ATR: variants seen among roughly 807,000 people sequenced by gnomAD.
The protein encoded by ATR is serine/threonine-protein kinase ATR.
A neutral mutation model predicts 305.3 loss-of-function variants in ATR; 142 were observed. That is an observed-to-expected ratio of 0.47 (90% confidence interval 0.41 to 0.53). ATR has a LOEUF of 0.53. ATR is among the 20% of genes least tolerant of loss of function. ATR has a pLI of 0.00. For missense variants in ATR, 2,135 were observed against 3,133.1 expected (o/e 0.68, Z 7.60); for synonymous variants, 1,050 against 1,068.1 (o/e 0.98, Z 0.33).
intron 42 of ATR, among the ~76,000 whole-genome samples, 172 bp from the exon 43 acceptor site, chr3:142,459,555 TAA>T (rs915614925): frequency 1.8e-4 from 28 of 152,316 alleles, no homozygotes; most frequent in African/African-American, 6.0e-4. Flanking sequence ...GATTGTATAA[TAA>T]AATAATAAAC....
chr3:142,527,733 C>T (rs1185697514), intron 21 of ATR, among the ~76,000 whole-genome samples: 1 of 152,064 alleles, frequency 6.6e-6, no homozygotes, highest in African/African-American at 2.4e-5. Context: ...AAAATTAACT[C>T]TTCTAAGGTG....
rs2108493856 is a variant in ATR at position 142,566,126 on chromosome 3, C to T, written c.287G>A (p.Cys96Tyr). Reference sequence around the variant, plus strand: ...GCATGAATAACAGCACTTACCAATACAACTGCCTTTGGCCTCATGGCTTCC... The same window carrying T: ...GCATGAATAACAGCACTTACCAATATAACTGCCTTTGGCCTCATGGCTTCC... ...VSGSHEAKGSCIEFSNWIITR... is the reference protein window; with the variant it reads ...VSGSHEAKGSYIEFSNWIITR... The change falls in exon 3 of 47, where the codon TGT becomes TAT. Residue 96 changes from cysteine (C) to tyrosine (Y), a missense_variant. This residue lies in a region of ATR where 744 missense variants were observed against 873.2 expected (regional missense o/e 0.85). Transcript: ENST00000350721. 1 of 1,614,148 alleles carries T rather than the reference C, an allele frequency of 6.2e-7. No individual in the cohort carries two copies. Among genetic ancestry groups the T allele is most frequent in the Non-Finnish European group, 8.5e-7 (1 of 1,180,016 alleles).
At chr3:142,476,656 TG>T (rs1318157544) in intron 36 of ATR, among the ~76,000 whole-genome samples, 1 of 152,172 alleles carries the variant, frequency 6.6e-6, no homozygotes, top group African/African-American at 2.4e-5. Flanking sequence ...TTGATGGGGA[TG>T]GCATTGAATC....
chr3:142,553,798 C>T (rs765375503), intron 11 of ATR, 27 bp downstream of exon 11: 31 of 1,611,462 alleles, frequency 1.9e-5, no homozygotes, highest in Non-Finnish European at 3.4e-6. Context: ...GACGTAAACT[C>T]AAATGTTAAA....
In ATR at chr3:142,537,242, C is replaced by CT. The variant is rs10717093; in HGVS notation, c.3726-1042dup. Among the ~76,000 whole-genome samples, 7 of 148,798 alleles carry CT rather than the reference C, an allele frequency of 4.7e-5. No homozygotes were observed. The South Asian group carries it at 8.5e-4, about 18-fold the overall frequency. ...TAGCTAGGATTACAGGCTCTTTTTG[C>CT]TTTTTTTTTTTTAAATGTTTCTGTA... On this transcript the variant is annotated intron_variant, in intron 19 of 46. Transcript: ENST00000350721.
intron 2 of ATR, among the ~76,000 whole-genome samples, chr3:142,566,505 C>G (rs1393311891): frequency 6.6e-6 from 1 of 151,838 alleles, no homozygotes; most frequent in East Asian, 1.9e-4. Context: ...TGCCTATAGT[C>G]CCAGCTACTC....
rs748735097 is a variant in ATR, at chr3:142,536,199, T to A, written c.3728A>T (p.Asp1243Val). ...TTCATGAAGAAAATCTTGCACAGCA[T>A]CCCTAATAGTTAGTTGGAATAAAAA... The part of the protein sequence containing the change: ...IFHYLIIENR[D>V]AVQDFLHEIY... The change falls in exon 20 of 47, where the codon GAT becomes GTT. Residue 1243 changes from aspartate to valine, a missense_variant and splice_region_variant. Physicochemically the swap from Asp to Val is radical, Grantham distance 152. Coordinates refer to ENST00000350721, the MANE Select transcript of ATR (RefSeq NM_001184.4). 20 of 1,553,174 alleles carry A rather than the reference T, an allele frequency of 1.3e-5. No homozygotes were observed. The highest frequency in any genetic ancestry group is 1.5e-5 in the Non-Finnish European group (17 of 1,125,432).
intron 18 of ATR, among the ~76,000 whole-genome samples, chr3:142,540,473 G>C (rs1480758234): frequency 6.6e-6 from 1 of 152,118 alleles, no homozygotes; most frequent in Admixed American, 6.5e-5. Flanking sequence ...TTTTAGATTA[G>C]ATATTTCTAT....
At chr3:142,450,755 A>C in intron 46 of ATR, 1 of 1,513,876 alleles carries the variant, frequency 6.6e-7, no homozygotes, top group South Asian at 1.2e-5. Context: ...GGTCTTCAGC[A>C]CCCTAATATC....
rs767984530 is a variant in ATR, at chr3:142,496,995, A to G, written c.5738+18T>C. ...ATTCAAGATAAGTGACATTTTTAAA[A>G]AAAGTAGTGTGAGAAACCTTTTGTT... On this transcript the variant is annotated intron_variant, in intron 33 of 46. Coordinates refer to ENST00000350721, the MANE Select transcript of ATR (RefSeq NM_001184.4). 6.2e-7 allele frequency: 1 copy of G among 1,608,604 alleles called. No individual in the cohort carries two copies. Among genetic ancestry groups the G allele is most frequent in the African/African-American group, 1.3e-5 (1 of 74,606 alleles).
rs150286172 is a variant in ATR, at chr3:142,459,050, G to C, written c.7411C>G (p.Leu2471Val). 8 of 1,613,850 alleles carry C rather than the reference G, an allele frequency of 5.0e-6. No homozygotes were observed. The Admixed American group carries it at 6.7e-5, about 13-fold the overall frequency. Residue 2471 changes from leucine to valine, a missense_variant, in exon 44 of 47, where the codon CTG (leucine) becomes GTG (valine). By Grantham distance (32) the Leu-to-Val change is conservative (BLOSUM62 1). This residue lies in a region of ATR where 462 missense variants were observed against 887.6 expected (regional missense o/e 0.52). Transcript: ENST00000350721. ...TCACCATGACGGTCTCCAAGCCCCA[G>C]AATATAACCAACCATTGACATTACT... Reference protein sequence around the residue: ...TAVMSMVGYILGLGDRHGENI... With the variant: ...TAVMSMVGYIVGLGDRHGENI...
At chr3:142,565,598 T>C (rs1426341931) in intron 3 of ATR, among the ~76,000 whole-genome samples, 2 of 151,962 alleles carry the variant, frequency 1.3e-5, no homozygotes, top group African/African-American at 2.4e-5. Context: ...AATAAAACTT[T>C]GTTTACAAAA....
intron 38 of ATR, 97 bp downstream of exon 38, chr3:142,469,240 G>A (rs181327820): frequency 1.5e-5 from 14 of 931,060 alleles, no homozygotes; most frequent in East Asian, 7.8e-5. Flanking sequence ...CAGGAGAGAC[G>A]CCCTGGAACT....
chr3:142,572,227 G>T (rs541838331), intron 1 of ATR, among the ~76,000 whole-genome samples: 1 of 150,798 alleles, frequency 6.6e-6, no homozygotes, highest in Admixed American at 6.6e-5. Flanking sequence ...GTGCCACCAC[G>T]CCCGGCTAAT....
intron 1 of ATR, among the ~76,000 whole-genome samples, chr3:142,570,166 T>C (rs1305234486): frequency 6.6e-6 from 1 of 152,228 alleles, no homozygotes; most frequent in Non-Finnish European, 1.5e-5. Context: ...ATATTCTAGA[T>C]ATTAAACTCC....
At chr3:142,550,394 A>G (rs1311568085) in intron 13 of ATR, 92 bp from the exon 14 acceptor site, 3 of 1,320,840 alleles carry the variant, frequency 2.3e-6, no homozygotes, top group East Asian at 4.6e-5. Context: ...AGTATCAAAT[A>G]GTATTCTACA....
At chr3:142,505,966 G>A (rs1212705077) in intron 28 of ATR, among the ~76,000 whole-genome samples, 1 of 152,144 alleles carries the variant, frequency 6.6e-6, no homozygotes, top group Admixed American at 6.5e-5. Flanking sequence ...TGGGAGAAAA[G>A]CAAATGATGT....
At position 142,540,993 on chromosome 3, in the gene ATR, G is replaced by C; in HGVS notation, c.3492C>G (p.Pro1164=). The C allele has an allele frequency of 6.2e-7, 1 of 1,613,624 alleles. No homozygotes were observed. The highest frequency in any genetic ancestry group is 2.2e-5 in the East Asian group (1 of 44,866). ...TCACCCTCACAGAACTGACATGTTT[G>C]GGTCCCATTAACTTCATCAAAGACA... ...SLMSLMKLMG[P]KHVSSVRVKM... is the part of the protein sequence containing the mutation. The change falls in exon 18 of 47, where the codon CCC becomes CCG. Residue 1164 remains proline, a synonymous_variant. Transcript: ENST00000350721.
chr3:142,552,440 C>T (rs1450428155), intron 13 of ATR, among the ~76,000 whole-genome samples: 2 of 152,054 alleles, frequency 1.3e-5, no homozygotes, highest in African/African-American at 2.4e-5. Context: ...GAGGCTGAGA[C>T]GGGTGGATTG....
Sources: gnomAD v4.1 joint callset for allele counts (sites outside exome capture counted in the v4.1 genomes callset) on GRCh38, gnomAD v4.1.1 for gene constraint, gnomAD v4.1.1 regional missense constraint, MANE v1.5 for transcripts, NCBI Gene and HGNC (gene_info 2026-07-23, HGNC 2026-07-21) for gene names.